The following DCLK1 variants were observed in gnomAD, a reference collection of about 807,000 sequenced individuals.
DCLK1 encodes the protein serine/threonine-protein kinase DCLK1.
In DCLK1, 16 loss-of-function variants were observed where a neutral mutation model predicts 86.2. The observed-to-expected ratio is 0.19, with a 90% CI of 0.13 to 0.28. The LOEUF is 0.28. Among genes scored for constraint, DCLK1 ranks in the 10% least tolerant of loss-of-function variants. The pLI, the probability that DCLK1 is intolerant of heterozygous loss-of-function variation, is 1.00. For synonymous variants in DCLK1, 369 were observed against 370.5 expected, an observed-to-expected ratio of 1.00 and a Z score of 0.05; for missense variants, 590 against 940.2, an observed-to-expected ratio of 0.63 and a Z score of 4.87.
chr13:36,077,948 C>T (rs2153162970), intron 3 of DCLK1, among the ~76,000 whole-genome samples: 1 of 152,302 alleles, frequency 6.6e-6, no homozygotes, highest in East Asian at 1.9e-4. Flanking sequence ...TGGATTTTCT[C>T]ACTAACCAGT....
chr13:36,005,300 G>C (rs1880901384), intron 3 of DCLK1, among the ~76,000 whole-genome samples: 1 of 152,086 alleles, frequency 6.6e-6, no homozygotes, highest in African/African-American at 2.4e-5. Flanking sequence ...TATCTATTCT[G>C]AATGTAAAGA....
At chr13:36,023,904 T>TC (rs1881908189) in intron 3 of DCLK1, among the ~76,000 whole-genome samples, 1 of 148,438 alleles carries the variant, frequency 6.7e-6, no homozygotes, top group African/African-American at 2.5e-5. Flanking sequence ...TTTCTTTCTT[T>TC]TTTTTTTTTT....
chr13:36,130,560 A>G (rs1027254206), intron 1 of DCLK1, among the ~76,000 whole-genome samples: 18 of 152,122 alleles, frequency 1.2e-4, no homozygotes, highest in African/African-American at 3.1e-4. Context: ...TAATTTGAAC[A>G]TGAGGCAGCC....
intron 3 of DCLK1, among the ~76,000 whole-genome samples, chr13:35,995,361 T>TAC (rs1257592404): frequency 6.6e-6 from 1 of 152,202 alleles, no homozygotes; most frequent in African/African-American, 2.4e-5. Flanking sequence ...GTTTTCAATA[T>TAC]ACTAGTTAGT....
At chr13:36,098,602 A>G (rs765623816) in intron 3 of DCLK1, among the ~76,000 whole-genome samples, 8 of 152,238 alleles carry the variant, frequency 5.3e-5, no homozygotes, top group Admixed American at 2.0e-4. Flanking sequence ...ACAGTTGCCA[A>G]TCCTCAAAAT....
In DCLK1 at chr13:35,951,083, A is replaced by G. The variant is rs542295876; in HGVS notation, c.724-3626T>C. On this transcript the variant is annotated intron_variant, in intron 3 of 16. Transcript: ENST00000360631. Reference sequence around the variant, plus strand: ...TTCAATATCTCTCTCCATGGCTCAGAAAGCCATCCATGGCTTACTATCCTC... The same window carrying G: ...TTCAATATCTCTCTCCATGGCTCAGGAAGCCATCCATGGCTTACTATCCTC... 1.4e-4 allele frequency among the ~76,000 whole-genome samples: 21 copies of G among 152,108 alleles called. No homozygotes were observed. In the East Asian group the frequency reaches 3.3e-3, roughly 24 times the overall value.
At chr13:36,047,198 G>A (rs549545623) in intron 3 of DCLK1, among the ~76,000 whole-genome samples, 1 of 152,158 alleles carries the variant, frequency 6.6e-6, no homozygotes, top group Admixed American at 6.5e-5. Flanking sequence ...GCGAGGATGT[G>A]GAGAAAAGGG....
In DCLK1 at chr13:35,806,345, G is replaced by T. The variant is rs549123399; in HGVS notation, c.1864-566C>A. Among the ~76,000 whole-genome samples, 3 of 152,222 alleles carry T rather than the reference G, an allele frequency of 2.0e-5. No homozygotes were observed. In the South Asian group the frequency reaches 6.2e-4, roughly 32 times the overall value. On this transcript the variant is annotated intron_variant, in intron 14 of 16. Transcript: ENST00000360631. ...AATTCTAAAGAAACATGTTACAATT[G>T]CTTGAAAAATTTCCAGACAAATCAA... is the stretch of plus-strand genomic sequence containing the variant.
intron 3 of DCLK1, among the ~76,000 whole-genome samples, chr13:36,086,641 C>T (rs939509907): frequency 1.3e-5 from 2 of 151,944 alleles, no homozygotes; most frequent in Admixed American, 1.3e-4. Context: ...CCCTAAAAGG[C>T]CCTGGTGTGT....
chr13:35,936,592 G>A (rs538052174), intron 4 of DCLK1, among the ~76,000 whole-genome samples: 4 of 152,318 alleles, frequency 2.6e-5, no homozygotes, highest in South Asian at 2.1e-4. Context: ...CTGGAAGATT[G>A]TAAGTGCTTG....
chr13:35,873,385 CT>C (rs1011363091), intron 4 of DCLK1, among the ~76,000 whole-genome samples: 61 of 149,924 alleles, frequency 4.1e-4, no homozygotes, highest in African/African-American at 8.8e-4. Flanking sequence ...ACAAATTGTA[CT>C]TTTTTTTTTC....
intron 3 of DCLK1, among the ~76,000 whole-genome samples, chr13:35,966,765 T>C (rs905933957): frequency 3.9e-5 from 6 of 152,104 alleles, no homozygotes; most frequent in Non-Finnish European, 8.8e-5. Flanking sequence ...CTCGGCCTCC[T>C]GAGGTGCCGG....
At chr13:36,036,571 T>G (rs1882507908) in intron 3 of DCLK1, among the ~76,000 whole-genome samples, 1 of 152,154 alleles carries the variant, frequency 6.6e-6, no homozygotes, top group African/African-American at 2.4e-5. Flanking sequence ...CTCCTTATAT[T>G]TTTATGTGCT....
chr13:35,857,885 T>C (rs1373681286), intron 5 of DCLK1, among the ~76,000 whole-genome samples: 1 of 152,036 alleles, frequency 6.6e-6, no homozygotes, highest in African/African-American at 2.4e-5. Flanking sequence ...AATAACTAAG[T>C]AAAGCAAGTA....
intron 2 of DCLK1, among the ~76,000 whole-genome samples, chr13:36,119,569 C>A (rs998920807): frequency 6.6e-6 from 1 of 152,144 alleles, no homozygotes; most frequent in Non-Finnish European, 1.5e-5. Flanking sequence ...AGGTAACCAA[C>A]AAGACATATC....
intron 3 of DCLK1, among the ~76,000 whole-genome samples, chr13:36,085,373 G>A (rs958429733): frequency 6.6e-6 from 1 of 151,962 alleles, no homozygotes; most frequent in African/African-American, 2.4e-5. Flanking sequence ...TTGTCTAAAT[G>A]TATATAATCC....
At chr13:36,011,541 G>T (rs1322771491) in intron 3 of DCLK1, among the ~76,000 whole-genome samples, 1 of 144,950 alleles carries the variant, frequency 6.9e-6, no homozygotes, top group Non-Finnish European at 1.5e-5. Flanking sequence ...GCGGCTTTGA[G>T]TGAGATTCTT....
intron 3 of DCLK1, among the ~76,000 whole-genome samples, chr13:36,101,891 C>G (rs1189835055): frequency 1.3e-5 from 2 of 151,992 alleles, no homozygotes. Flanking sequence ...TTACAGGCAC[C>G]CACCACCACA....
intron 3 of DCLK1, among the ~76,000 whole-genome samples, chr13:35,977,814 GC>G (rs1879421023): frequency 6.6e-6 from 1 of 151,766 alleles, no homozygotes; most frequent in Admixed American, 6.6e-5. Flanking sequence ...CTAACTCCAG[GC>G]CCAGATGTTG....
Sources: allele counts gnomAD v4.1 joint callset (sites outside exome capture counted in the v4.1 genomes callset), GRCh38; gene constraint gnomAD v4.1.1; transcripts MANE v1.5; gene names NCBI Gene and HGNC (gene_info 2026-07-23, HGNC 2026-07-21).